MYO1B: variants seen among roughly 807,000 people sequenced by gnomAD.
MYO1B encodes unconventional myosin-Ib.
A neutral mutation model predicts 159.7 loss-of-function variants in MYO1B; 72 were observed. The observed-to-expected ratio is 0.45, with a 90% CI of 0.37 to 0.55. The LOEUF (loss-of-function observed/expected upper bound fraction) is 0.55. Ranked by LOEUF, MYO1B falls within the 20% of genes least tolerant of loss-of-function variation. MYO1B has a pLI of 0.00. For synonymous variants in MYO1B, 468 were observed against 473.8 expected, an observed-to-expected ratio of 0.99 and a Z score of 0.16; for missense variants, 1,062 against 1,364.8, an observed-to-expected ratio of 0.78 and a Z score of 3.50.
chr2:191,407,540 TATG>T (rs1285345705), intron 24 of MYO1B: 3 of 152,178 alleles, frequency 2.0e-5, no homozygotes, highest in South Asian at 2.1e-4. Flanking sequence ...AAAACTATAA[TATG>T]ATGTTTTAAG....
chr2:191,362,927 A>G (rs1344071804), intron 9 of MYO1B, among the ~76,000 whole-genome samples: 2 of 152,166 alleles, frequency 1.3e-5, no homozygotes, highest in Non-Finnish European at 2.9e-5. Context: ...GAAAGGGGAG[A>G]GTAGGATGAA....
At chr2:191,419,660 T>C (rs1697816478) in intron 30 of MYO1B, among the ~76,000 whole-genome samples, 1 of 152,172 alleles carries the variant, frequency 6.6e-6, no homozygotes, top group Non-Finnish European at 1.5e-5. Context: ...TGTGTATTAT[T>C]ACCCCTGAAG....
At chr2:191,398,652 C>T (rs557816936) in intron 21 of MYO1B, among the ~76,000 whole-genome samples, 14 of 151,334 alleles carry the variant, frequency 9.3e-5, no homozygotes, top group African/African-American at 3.4e-4. Flanking sequence ...AGAGGCGCTC[C>T]CCACTCAGAT....
At chr2:191,290,981 T>C (rs1206581889) in intron 2 of MYO1B, among the ~76,000 whole-genome samples, 4 of 152,216 alleles carry the variant, frequency 2.6e-5, no homozygotes, top group Non-Finnish European at 4.4e-5. Flanking sequence ...TTTTCAACCC[T>C]GGTTCCACAT....
chr2:191,300,655 T>TTTTTTTTTTTTTTTTTTTC (rs61260117), intron 3 of MYO1B, among the ~76,000 whole-genome samples: 1 of 145,136 alleles, frequency 6.9e-6, no homozygotes, highest in African/African-American at 2.6e-5. Context: ...TTTTTTTTTT[T>TTTTTTTTTTTTTTTTTTTC]AAGAGATGAG....
rs1345928422 is a variant in MYO1B, at chr2:191,346,294, TATAAGC to T, written c.498+18_498+23del. The T allele has an allele frequency of 1.9e-6, 3 of 1,557,376 alleles. No individual in the cohort carries two copies. In the Admixed American group the frequency reaches 5.7e-5, roughly 30 times the overall value. On this transcript the variant is annotated intron_variant, in intron 6 of 30. Coordinates refer to ENST00000392318, the MANE Select transcript of MYO1B (RefSeq NM_001130158.3). ...ACTCCTCTAGATTTGTAAGTATTTG[TATAAGC>T]ATAAGTGTTAACACTAATATTTAGC...
intron 4 of MYO1B, among the ~76,000 whole-genome samples, chr2:191,337,762 A>G (rs1166492771): frequency 6.6e-6 from 1 of 152,198 alleles, no homozygotes; most frequent in Non-Finnish European, 1.5e-5. Flanking sequence ...AAATGACAAT[A>G]TTCTTATATT....
chr2:191,294,155 A>G (rs1006916222), intron 2 of MYO1B, among the ~76,000 whole-genome samples: 9 of 152,176 alleles, frequency 5.9e-5, no homozygotes, highest in Non-Finnish European at 1.2e-4. Context: ...GAACAAAGAG[A>G]AACTTACAAC....
chr2:191,283,595 G>GT (rs1688192071), intron 2 of MYO1B, among the ~76,000 whole-genome samples: 1 of 152,184 alleles, frequency 6.6e-6, no homozygotes, highest in Admixed American at 6.5e-5. Context: ...TGTACTATAG[G>GT]TTTTTAAATT....
chr2:191,255,869 C>T (rs1686412223), intron 1 of MYO1B, among the ~76,000 whole-genome samples: 1 of 152,168 alleles, frequency 6.6e-6, no homozygotes, highest in Non-Finnish European at 1.5e-5. Context: ...GCAATTTTCT[C>T]CTGAGCTCTG....
intron 1 of MYO1B, among the ~76,000 whole-genome samples, chr2:191,250,417 G>A (rs1686039849): frequency 6.6e-6 from 1 of 152,132 alleles, no homozygotes; most frequent in African/African-American, 2.4e-5. Context: ...GTCTTCCCTG[G>A]TGCATGGCAG....
chr2:191,410,809 G>A (rs1483917838), intron 26 of MYO1B, among the ~76,000 whole-genome samples: 1 of 152,178 alleles, frequency 6.6e-6, no homozygotes, highest in Non-Finnish European at 1.5e-5. Context: ...AATAGTACTT[G>A]CAAGGCCCGT....
Position 191,276,955 on chromosome 2 carries a change from G to A in MYO1B, c.60G>A (p.Met20Ile). The A allele has an allele frequency of 6.2e-7, 1 of 1,613,962 alleles. No homozygotes were observed. Among genetic ancestry groups the A allele is most frequent in the Non-Finnish European group, 8.5e-7 (1 of 1,179,950 alleles). ...LLDNMIGVGD[M>I]VLLEPLNEET... ...ACAATATGATTGGAGTTGGGGATAT[G>A]GTTCTTTTAGAACCTCTCAATGAGG... The change falls in exon 2 of 31, where the codon ATG (methionine) becomes ATA (isoleucine). Residue 20 changes from methionine (M) to isoleucine (I), a missense_variant. By Grantham distance (10) the Met-to-Ile change is conservative. Coordinates refer to ENST00000392318, the MANE Select transcript of MYO1B (RefSeq NM_001130158.3).
chr2:191,313,578 C>G lies in MYO1B; in HGVS notation c.252-16357C>G, dbSNP rs936368040. ...TTTTTGTATTTTTAGTAGAGACGGG[C>G]TTTCACCGTGTTAGCCAGGATGGTC... On this transcript the variant is annotated intron_variant, in intron 3 of 30. Transcript: ENST00000392318. Among the ~76,000 whole-genome samples the G allele has an allele frequency of 3.6e-5, 5 of 140,776 alleles. No homozygotes were observed. In the South Asian group the frequency reaches 1.2e-3, roughly 33 times the overall value. 92.4% of individuals were successfully genotyped at this position (140,776 alleles called of 152,430 possible). A position where few individuals can be genotyped will look rare whatever the true frequency, so the allele number is the denominator to read the frequency against.
chr2:191,411,125 A>G lies in MYO1B; in HGVS notation c.2826A>G (p.Leu942=), dbSNP rs1452049816. The G allele has an allele frequency of 4.3e-6, 7 of 1,612,502 alleles. No homozygotes were observed. In the African/African-American group the frequency reaches 6.7e-5, roughly 15 times the overall value. ...AGAAACTTATTTATGAAGAGAAACT[A>G]GAAGCCAGTGAACTCTTCAAAGACA... The part of the protein sequence containing the change: ...DQQKLIYEEK[L]EASELFKDKK... Residue 942 remains leucine, a synonymous_variant, in exon 27 of 31, where the codon CTA becomes CTG. Coordinates refer to ENST00000392318, the MANE Select transcript of MYO1B (RefSeq NM_001130158.3).
chr2:191,387,851 A>T, intron 17 of MYO1B: 1 of 252,544 alleles, frequency 4.0e-6, no homozygotes, highest in South Asian at 5.5e-5. Context: ...AGAGCACAGC[A>T]TTGAAGCAAG....
intron 20 of MYO1B, among the ~76,000 whole-genome samples, chr2:191,395,828 C>T (rs923534629): frequency 6.6e-6 from 1 of 152,228 alleles, no homozygotes; most frequent in African/African-American, 2.4e-5. Context: ...CCTGTGTTCA[C>T]TTCAACTCCT....
chr2:191,284,867 C>T (rs913988510), intron 2 of MYO1B, among the ~76,000 whole-genome samples: 3 of 152,118 alleles, frequency 2.0e-5, no homozygotes, highest in Non-Finnish European at 4.4e-5. Context: ...CTCCTGGCCT[C>T]AAGTGATCCA....
rs1692906829 is a variant in MYO1B, at chr2:191,351,250, A to C, written c.562+1025A>C. 2.0e-5 allele frequency among the ~76,000 whole-genome samples: 3 copies of C among 152,208 alleles called. No individual in the cohort carries two copies. In the South Asian group the frequency reaches 6.2e-4, roughly 32 times the overall value. On this transcript the variant is annotated intron_variant, in intron 7 of 30. Coordinates refer to ENST00000392318, the MANE Select transcript of MYO1B (RefSeq NM_001130158.3). ...AAGTGTGCTCATTTATTTTTCTTAT[A>C]ACAGTGGCATTTCGTCTTCAAAGGA...
Sources: gnomAD v4.1 joint callset for allele counts (sites outside exome capture counted in the v4.1 genomes callset) on GRCh38, gnomAD v4.1.1 for gene constraint, MANE v1.5 for transcripts, NCBI Gene and HGNC (gene_info 2026-07-23, HGNC 2026-07-21) for gene names.